Variants in NEGR1 observed in about 807,000 individuals in gnomAD.
NEGR1 encodes neuronal growth regulator 1.
A neutral mutation model predicts 40.9 loss-of-function variants in NEGR1; 10 were observed. The ratio of observed to expected loss-of-function variants is 0.24; its 90% CI spans 0.15 to 0.42. The LOEUF is 0.42. NEGR1 is among the 10% of genes least tolerant of loss of function. The pLI is 1.00. For missense variants in NEGR1, 352 were observed against 438.9 expected (o/e 0.80, Z 1.77); for synonymous variants, 185 against 166.8 (o/e 1.11, Z -0.84).
intron 2 of NEGR1, among the ~76,000 whole-genome samples, chr1:71,927,262 A>C (rs969877718): frequency 6.6e-6 from 1 of 152,168 alleles, no homozygotes; most frequent in Non-Finnish European, 1.5e-5. Context: ...AAAATGCATT[A>C]ATTTTTTAAT....
chr1:71,696,205 C>T (rs755592168), intron 4 of NEGR1, among the ~76,000 whole-genome samples: 43 of 151,668 alleles, frequency 2.8e-4, no homozygotes, highest in Non-Finnish European at 5.0e-4. Context: ...AAGTTTCTGC[C>T]TCCTTAAGTT....
At chr1:71,971,479 A>G (rs1232746546) in intron 1 of NEGR1, among the ~76,000 whole-genome samples, 3 of 152,198 alleles carry the variant, frequency 2.0e-5, no homozygotes, top group African/African-American at 7.2e-5. Context: ...CACGTGAATT[A>G]CATGAGATTA....
chr1:72,083,053 T>C (rs1183581112), intron 1 of NEGR1, among the ~76,000 whole-genome samples: 1 of 152,140 alleles, frequency 6.6e-6, no homozygotes, highest in African/African-American at 2.4e-5. Context: ...TGACCTGAAA[T>C]CAATTAAATA....
At chr1:71,769,911 T>C (rs1309996700) in intron 3 of NEGR1, among the ~76,000 whole-genome samples, 1 of 152,238 alleles carries the variant, frequency 6.6e-6, no homozygotes, top group Non-Finnish European at 1.5e-5. Flanking sequence ...ATTCTGTGAA[T>C]TGGGTACAAT....
chr1:72,278,277 T>A (rs1004772264), intron 1 of NEGR1, among the ~76,000 whole-genome samples: 1 of 152,038 alleles, frequency 6.6e-6, no homozygotes. Context: ...GATTAAAGCA[T>A]GACAAGCAGA....
rs1646269951 is a variant in NEGR1 at position 71,405,066 on chromosome 1, T to G, written c.*2380A>C. ...TGAATACCTCCTCTATTTAAAAATG[T>G]CACTCAAGAAAGTCTCTTCTAACAT... On this transcript the variant is annotated 3_prime_UTR_variant, in exon 7 of 7. Coordinates refer to ENST00000357731, the MANE Select transcript of NEGR1 (RefSeq NM_173808.3). 1 of 152,086 alleles carries G rather than the reference T, an allele frequency of 6.6e-6. No homozygotes were observed. The highest frequency in any genetic ancestry group is 1.5e-5 in the Non-Finnish European group (1 of 67,738). 9.4% of individuals were successfully genotyped at this position (152,086 alleles called of 1,614,324 possible).
intron 1 of NEGR1, among the ~76,000 whole-genome samples, chr1:72,241,009 A>T (rs529214604): frequency 6.6e-6 from 1 of 152,002 alleles, no homozygotes; most frequent in South Asian, 2.1e-4. Flanking sequence ...TGACAGGATT[A>T]AAGTCCCAGG....
At chr1:71,819,083 G>A (rs953874586) in intron 2 of NEGR1, among the ~76,000 whole-genome samples, 1 of 151,950 alleles carries the variant, frequency 6.6e-6, no homozygotes, top group African/African-American at 2.4e-5. Context: ...AAAGAAAGCT[G>A]AGGCACAATT....
intron 2 of NEGR1, among the ~76,000 whole-genome samples, chr1:71,809,323 C>T (rs1263338290): frequency 6.6e-6 from 1 of 152,128 alleles, no homozygotes; most frequent in Non-Finnish European, 1.5e-5. Flanking sequence ...AAATTTACTT[C>T]CGTGGAAATT....
At chr1:71,870,481 T>C (rs1355661294) in intron 2 of NEGR1, among the ~76,000 whole-genome samples, 2 of 152,040 alleles carry the variant, frequency 1.3e-5, no homozygotes, top group Non-Finnish European at 2.9e-5. Context: ...AAGAAAAACA[T>C]CTTAAAAATT....
intron 4 of NEGR1, among the ~76,000 whole-genome samples, chr1:71,675,126 T>TATATATATATATAC (rs145354058): frequency 6.4e-5 from 5 of 77,794 alleles, no homozygotes; most frequent in African/African-American, 2.1e-4. Context: ...TATATATATA[T>TATATATATATATAC]ACACACACAC....
At chr1:71,763,571 G>C (rs560443543) in intron 3 of NEGR1, among the ~76,000 whole-genome samples, 5 of 152,102 alleles carry the variant, frequency 3.3e-5, no homozygotes, top group Non-Finnish European at 7.4e-5. Context: ...TTGGTTTTGA[G>C]GCTTAAATGA....
rs536776594 is a variant in NEGR1, at chr1:72,256,297, CAA to C, written c.176+26020_176+26021del. Reference sequence around the variant, plus strand: ...AACAGGATATCATCAAGAAATATCACAAAAGTGTTGACACAATGCTCATCCAG... The same window carrying C: ...AACAGGATATCATCAAGAAATATCACAAGTGTTGACACAATGCTCATCCAG... On this transcript the variant is annotated intron_variant, in intron 1 of 6. Coordinates refer to ENST00000357731, the MANE Select transcript of NEGR1 (RefSeq NM_173808.3). 6.3e-3 allele frequency among the ~76,000 whole-genome samples: 962 copies of C among 152,290 alleles called. 24 individuals are homozygous for C. The highest frequency in any genetic ancestry group is 0.042 in the Admixed American group (644 of 15,296).
intron 4 of NEGR1, among the ~76,000 whole-genome samples, chr1:71,664,735 A>AT (rs1279450739): frequency 6.6e-6 from 1 of 152,010 alleles, no homozygotes; most frequent in Admixed American, 6.6e-5. Flanking sequence ...GAGAAAAAAA[A>AT]ATATATATCT....
intron 1 of NEGR1, among the ~76,000 whole-genome samples, chr1:72,174,453 GA>G (rs1178478010): frequency 6.6e-6 from 1 of 152,144 alleles, no homozygotes; most frequent in Non-Finnish European, 1.5e-5. Flanking sequence ...ATAGAGCAGG[GA>G]AATTGCTTTA....
chr1:71,423,233 T>TA (rs934964907), intron 6 of NEGR1, among the ~76,000 whole-genome samples: 1 of 151,408 alleles, frequency 6.6e-6, no homozygotes, highest in African/African-American at 2.4e-5. Context: ...CTACAAAAAA[T>TA]AAAAAAAATT....
chr1:71,896,399 A>C (rs1660975121), intron 2 of NEGR1, among the ~76,000 whole-genome samples: 1 of 152,142 alleles, frequency 6.6e-6, no homozygotes. Flanking sequence ...TGAGTTATTC[A>C]TCATTTTATT....
chr1:71,846,486 G>T (rs1385276052), intron 2 of NEGR1, among the ~76,000 whole-genome samples: 1 of 150,898 alleles, frequency 6.6e-6, no homozygotes, highest in East Asian at 2.0e-4. Context: ...TTTCCTGGGG[G>T]AAAAAATGTG....
intron 6 of NEGR1, among the ~76,000 whole-genome samples, chr1:71,551,737 A>G (rs1408066433): frequency 6.6e-6 from 1 of 151,530 alleles, no homozygotes; most frequent in Non-Finnish European, 1.5e-5. Flanking sequence ...ACTCCAATTG[A>G]TGTGATTTTA....
Sources: allele counts gnomAD v4.1 joint callset (sites outside exome capture counted in the v4.1 genomes callset), GRCh38; gene constraint gnomAD v4.1.1; transcripts MANE v1.5; gene names NCBI Gene and HGNC (gene_info 2026-07-23, HGNC 2026-07-21).